The following ZFHX3 variants were observed in gnomAD, a reference collection of about 807,000 sequenced individuals.
ZFHX3 encodes zinc finger homeobox 3.
ZFHX3 carries 42 observed loss-of-function variants against 279.1 expected under a neutral mutation model. That is an observed-to-expected ratio of 0.15 (90% CI 0.12 to 0.19). The LOEUF is 0.19. Among genes scored for constraint, ZFHX3 ranks in the 10% least tolerant of loss-of-function variants. ZFHX3 has a pLI of 1.00. For missense variants in ZFHX3, 4,981 were observed against 4,754.0 expected (o/e 1.05, Z -1.40); for synonymous variants, 2,293 against 1,957.8 (o/e 1.17, Z -4.52).
chr16:73,417,988 CAAAAA>C lies in ZFHX3; in HGVS notation c.-1291+38010_-1291+38014del, dbSNP rs71156161. Among the ~76,000 whole-genome samples the C allele has an allele frequency of 2.1e-3, 122 of 57,844 alleles. 1 individual carries two copies. Among genetic ancestry groups the C allele is most frequent in the African/African-American group, 8.8e-3 (105 of 11,912 alleles). The allele number at this position is 57,844 out of a possible 152,430, so 37.9% of individuals were successfully genotyped here. A position where few individuals can be genotyped will look rare whatever the true frequency, so the allele number is the denominator to read the frequency against. ...TGGGCAACAGAGCGAGACTCCATCT[CAAAAA>C]AAAAAAAAAAAAAAAAAAAGGAAAA... On this transcript the variant is annotated intron_variant, in intron 3 of 17. Coordinates refer to the ZFHX3 transcript ENST00000641206.
At position 72,797,463 on chromosome 16, in the gene ZFHX3, T is replaced by G; in HGVS notation, c.5219A>C (p.Gln1740Pro). ...QQQQQQQQQQQQAQTLAQAQA... is the reference protein window; with the variant it reads ...QQQQQQQQQQPQAQTLAQAQA... ...GGCCTGGGCCAGCGTTTGTGCTTGT[T>G]GTTGTTGTTGTTGTTGTTGTTGTTG... Residue 1740 changes from glutamine (Q) to proline (P), a missense_variant, in exon 9 of 10, where the codon CAA becomes CCA. Coordinates refer to ENST00000268489, the MANE Select transcript of ZFHX3 (RefSeq NM_006885.4). 6.4e-7 allele frequency: 1 copy of G among 1,559,682 alleles called. No individual in the cohort carries two copies. Among genetic ancestry groups the G allele is most frequent in the Admixed American group, 1.7e-5 (1 of 58,808 alleles).
chr16:73,499,036 T>A (rs547492365), intron 2 of ZFHX3, among the ~76,000 whole-genome samples: 30 of 152,196 alleles, frequency 2.0e-4, no homozygotes, highest in Non-Finnish European at 3.2e-4. Context: ...GGGGTTGGAC[T>A]CATGGGCAAA....
intron 2 of ZFHX3, among the ~76,000 whole-genome samples, chr16:73,489,443 A>C (rs1444146552): frequency 6.6e-6 from 1 of 152,228 alleles, no homozygotes; most frequent in Admixed American, 6.5e-5. Context: ...CTTTTTTCCA[A>C]CTGAATCCAG....
intron 2 of ZFHX3, among the ~76,000 whole-genome samples, chr16:73,615,010 T>A (rs565834265): frequency 6.6e-6 from 1 of 152,188 alleles, no homozygotes; most frequent in Non-Finnish European, 1.5e-5. Context: ...TGCACCCACG[T>A]CGGCCTCCCA....
At chr16:73,322,908 C>T (rs2015606446) in intron 3 of ZFHX3, among the ~76,000 whole-genome samples, 1 of 152,182 alleles carries the variant, frequency 6.6e-6, no homozygotes, top group Non-Finnish European at 1.5e-5. Flanking sequence ...ACTAGTCTGC[C>T]ACTTGTTTTG....
At chr16:73,249,819 G>C (rs1254965809) in intron 5 of ZFHX3, among the ~76,000 whole-genome samples, 1 of 97,360 alleles carries the variant, frequency 1.0e-5, no homozygotes, top group East Asian at 2.3e-4. Context: ...AATTGAACAG[G>C]CACTTCACAC....
chr16:73,776,128 A>G (rs575040614), intron 1 of ZFHX3, among the ~76,000 whole-genome samples: 6 of 152,290 alleles, frequency 3.9e-5, no homozygotes, highest in Middle Eastern at 3.4e-3. Flanking sequence ...CACAGCAGGG[A>G]TGCCAAAATC....
intron 2 of ZFHX3, among the ~76,000 whole-genome samples, chr16:73,580,701 T>C (rs1285369272): frequency 6.6e-6 from 1 of 151,786 alleles, no homozygotes; most frequent in Non-Finnish European, 1.5e-5. Flanking sequence ...TTGGGTTTGC[T>C]TTCTCTCTCT....
intron 1 of ZFHX3, among the ~76,000 whole-genome samples, chr16:73,750,741 T>G (rs752806946): frequency 6.6e-6 from 1 of 152,100 alleles, no homozygotes; most frequent in Non-Finnish European, 1.5e-5. Flanking sequence ...AAACCATGGC[T>G]AAGAGAGTCT....
chr16:73,361,072 A>G (rs540051494), intron 3 of ZFHX3, among the ~76,000 whole-genome samples: 52 of 152,390 alleles, frequency 3.4e-4, no homozygotes, highest in African/African-American at 1.1e-3. Context: ...AGCTCATCAA[A>G]GCCTGGAAAG....
At chr16:73,595,975 CTTTTTTATTTTAT>C (rs2052045053) in intron 2 of ZFHX3, among the ~76,000 whole-genome samples, 3 of 138,744 alleles carry the variant, frequency 2.2e-5, no homozygotes, top group Non-Finnish European at 4.6e-5. Context: ...CCGACCATTA[CTTTTTTATTTTAT>C]TTTATTTTAT....
chr16:72,888,141 A>C (rs543055403), intron 4 of ZFHX3, among the ~76,000 whole-genome samples: 1 of 152,322 alleles, frequency 6.6e-6, no homozygotes, highest in South Asian at 2.1e-4. Flanking sequence ...CCCCTGGAAA[A>C]GGGGGTGGGA....
chr16:73,524,092 G>T (rs980989559), intron 2 of ZFHX3, among the ~76,000 whole-genome samples: 2 of 152,152 alleles, frequency 1.3e-5, no homozygotes, highest in Non-Finnish European at 2.9e-5. Flanking sequence ...ATAAGGGAAG[G>T]ACAGTAGGCT....
intron 3 of ZFHX3, among the ~76,000 whole-genome samples, chr16:72,911,585 C>T (rs893828735): frequency 6.6e-6 from 1 of 152,114 alleles, no homozygotes; most frequent in Admixed American, 6.6e-5. Context: ...CCGCGGATAA[C>T]CCAGGGCAGA....
chr16:73,315,258 C>G (rs1177894742), intron 4 of ZFHX3, among the ~76,000 whole-genome samples: 1 of 151,446 alleles, frequency 6.6e-6, no homozygotes, highest in East Asian at 1.9e-4. Flanking sequence ...TAATATAGTT[C>G]AAGTGACATA....
chr16:73,353,056 C>G (rs1468305571), intron 3 of ZFHX3, among the ~76,000 whole-genome samples: 1 of 152,120 alleles, frequency 6.6e-6, no homozygotes, highest in Admixed American at 6.5e-5. Context: ...CAGGGGGAAT[C>G]CACACAGGCA....
chr16:72,835,209 G>A (rs1455253022), intron 4 of ZFHX3, among the ~76,000 whole-genome samples: 2 of 152,188 alleles, frequency 1.3e-5, no homozygotes, highest in South Asian at 2.1e-4. Flanking sequence ...AGGCTCAAGA[G>A]CTGAGAAACA....
chr16:73,146,690 T>C (rs1278042785), intron 5 of ZFHX3, among the ~76,000 whole-genome samples: 1 of 152,086 alleles, frequency 6.6e-6, no homozygotes, highest in Non-Finnish European at 1.5e-5. Context: ...TTTGAGACAG[T>C]GTTTTGCTCT....
chr16:73,184,040 G>T (rs78790363), intron 5 of ZFHX3, among the ~76,000 whole-genome samples: 6 of 152,128 alleles, frequency 3.9e-5, no homozygotes, highest in South Asian at 4.1e-4. Context: ...TAAAGAAGAG[G>T]CCTGGTCTGT....
Sources: gnomAD v4.1 joint callset for allele counts (sites outside exome capture counted in the v4.1 genomes callset) on GRCh38, gnomAD v4.1.1 for gene constraint, MANE v1.5 for transcripts, NCBI Gene and HGNC (gene_info 2026-07-23, HGNC 2026-07-21) for gene names.